The following ZFYVE28 variants were observed in gnomAD, a reference collection of about 807,000 sequenced individuals.
ZFYVE28 encodes the protein lateral signaling target protein 2 homolog.
A neutral mutation model predicts 82.1 loss-of-function variants in ZFYVE28; 40 were observed. The ratio of observed to expected loss-of-function variants is 0.49; its 90% CI spans 0.38 to 0.63. ZFYVE28 has a LOEUF of 0.63. ZFYVE28 is among the 30% of genes least tolerant of loss of function. ZFYVE28 has a pLI of 0.00. For missense variants in ZFYVE28, 1,321 were observed against 1,242.1 expected, an observed-to-expected ratio of 1.06 and a Z score of -0.96; for synonymous variants, 612 against 546.1, an observed-to-expected ratio of 1.12 and a Z score of -1.68.
At chr4:2,328,488 T>C (rs1578110465) in intron 6 of ZFYVE28, 1 of 152,264 alleles carries the variant, frequency 6.6e-6, no homozygotes, top group East Asian at 1.9e-4. Flanking sequence ...GTGAATACAG[T>C]TAATAATAGA....
Position 2,320,351 on chromosome 4 carries a change from C to T in ZFYVE28, c.702-80G>A, listed in dbSNP as rs564185650. The T allele has an allele frequency of 3.4e-5, 44 of 1,281,946 alleles. No homozygotes were observed. The highest frequency in any genetic ancestry group is 8.0e-5 in the South Asian group (6 of 74,978). The allele number at this position is 1,281,946 out of a possible 1,614,324, so 79.4% of individuals were successfully genotyped here. A position where few individuals can be genotyped will look rare whatever the true frequency, so the allele number is the denominator to read the frequency against. On this transcript the variant is annotated intron_variant, in intron 6 of 12. Transcript: ENST00000290974. This position sits in a 1 kb window ranked among gnomAD's most constrained non-coding sequence, Gnocchi z 5.1. ...GCGGACGGCCCAACTTAACCACCTG[C>T]GAAAACCACGCCCGCTGGGACTCTG...
At chr4:2,381,687 G>A (rs766742961) in intron 1 of ZFYVE28, among the ~76,000 whole-genome samples, 6 of 152,226 alleles carry the variant, frequency 3.9e-5, no homozygotes, top group East Asian at 3.8e-4. Context: ...GATTATAGGC[G>A]TGAGCCACTG....
At position 2,270,342 on chromosome 4, in the gene ZFYVE28, C is replaced by T. The variant is rs906838862; in HGVS notation, c.*383G>A. On this transcript the variant is annotated 3_prime_UTR_variant, in exon 13 of 13. Coordinates refer to ENST00000290974, the MANE Select transcript of ZFYVE28 (RefSeq NM_020972.3). ...CCCTTGCTCCGGCTTCCAGATTCACCGCAACAGCAGAGGCGCAGAGTGGCC... is the reference window on the plus strand; with the variant it reads ...CCCTTGCTCCGGCTTCCAGATTCACTGCAACAGCAGAGGCGCAGAGTGGCC... 1.1e-5 allele frequency: 2 copies of T among 183,172 alleles called. No homozygotes were observed. Among genetic ancestry groups the T allele is most frequent in the Non-Finnish European group, 2.0e-5 (2 of 101,938 alleles). 11.3% of individuals were successfully genotyped at this position (183,172 alleles called of 1,614,324 possible).
chr4:2,392,213 A>G (rs1198160822), intron 1 of ZFYVE28, among the ~76,000 whole-genome samples: 1 of 151,894 alleles, frequency 6.6e-6, no homozygotes, highest in African/African-American at 2.4e-5. Flanking sequence ...CTTAATTACA[A>G]AATATGGCCT....
At chr4:2,350,028 C>CACACAG in intron 2 of ZFYVE28, among the ~76,000 whole-genome samples, 1 of 105,900 alleles carries the variant, frequency 9.4e-6, no homozygotes, top group Non-Finnish European at 2.0e-5. Context: ...AATAGGGTGA[C>CACACAG]ACACAGACAC....
Position 2,325,180 on chromosome 4 carries a change from A to C in ZFYVE28, c.702-4909T>G, listed in dbSNP as rs185036393. On this transcript the variant is annotated intron_variant, in intron 6 of 12. Transcript: ENST00000290974. ...TAAAGCAAATGCTGAAGAGAAAAAA[A>C]AAATTAACTTTATTATTGTTATCTT... 3 of 152,328 alleles carry C rather than the reference A, an allele frequency of 2.0e-5. No homozygotes were observed. In the East Asian group the frequency reaches 5.8e-4, roughly 29 times the overall value. 9.4% of individuals were successfully genotyped at this position (152,328 alleles called of 1,614,324 possible).
chr4:2,379,609 C>G (rs1007420892), intron 1 of ZFYVE28, among the ~76,000 whole-genome samples: 1 of 152,144 alleles, frequency 6.6e-6, no homozygotes, highest in African/African-American at 2.4e-5. Flanking sequence ...AGAGATGGCA[C>G]GCGCACCTCT....
chr4:2,404,702 A>G (rs73074330), intron 1 of ZFYVE28, among the ~76,000 whole-genome samples: 6,745 of 152,236 alleles, frequency 0.044, 526 homozygotes, highest in African/African-American at 0.15. Context: ...GTGACTACAT[A>G]ATAGAAACAG....
chr4:2,319,056 T>A (rs2108836422), intron 7 of ZFYVE28: 1 of 152,796 alleles, frequency 6.5e-6, no homozygotes, highest in Admixed American at 6.5e-5. Flanking sequence ...GGTGCCCCCT[T>A]CCAGCCCCAC....
rs1229669614 is a variant in ZFYVE28, at chr4:2,327,437, G to A, written c.702-7166C>T. Among the ~76,000 whole-genome samples the A allele has an allele frequency of 2.0e-5, 3 of 151,796 alleles. No homozygotes were observed. In the East Asian group the frequency reaches 5.8e-4, roughly 29 times the overall value. ...ACTATATTTAATAGAAGTGGGAAGA[G>A]TAGGCATCCTTGCCTTGTTCCATAT... On this transcript the variant is annotated intron_variant, in intron 6 of 12. Coordinates refer to ENST00000290974, the MANE Select transcript of ZFYVE28 (RefSeq NM_020972.3).
At chr4:2,393,765 C>T (rs969431837) in intron 1 of ZFYVE28, among the ~76,000 whole-genome samples, 1 of 152,260 alleles carries the variant, frequency 6.6e-6, no homozygotes, top group South Asian at 2.1e-4. Context: ...CTCGGCCACA[C>T]CTGCGGATTG....
In ZFYVE28 at chr4:2,384,969, A is replaced by G. The variant is rs571163850; in HGVS notation, c.40-30896T>C. On this transcript the variant is annotated intron_variant, in intron 1 of 12. Transcript: ENST00000290974. ...GTCCTGATTTTAAGGATTATCATAA[A>G]CACACCAATCCTGTACACCCTCAAG... Among the ~76,000 whole-genome samples the G allele has an allele frequency of 2.6e-5, 4 of 151,966 alleles. 1 individual carries two copies. In the South Asian group the frequency reaches 8.3e-4, roughly 32 times the overall value.
Position 2,277,887 on chromosome 4 carries a change from G to A in ZFYVE28, c.2052-3671C>T, listed in dbSNP as rs566843953. Among the ~76,000 whole-genome samples, 4 of 151,628 alleles carry A rather than the reference G, an allele frequency of 2.6e-5. No individual in the cohort carries two copies. In the South Asian group the frequency reaches 6.3e-4, roughly 24 times the overall value. On this transcript the variant is annotated intron_variant, in intron 8 of 12. Transcript: ENST00000290974. ...CTCGAGGGACCCAGAATAGCCAAAA[G>A]AAAAAAAACAAGTTGGAGGACTCAC...
chr4:2,354,185 T>G (rs1724902319), intron 1 of ZFYVE28, 112 bp from the exon 2 acceptor site: 12 of 1,193,924 alleles, frequency 1.0e-5, no homozygotes, highest in Non-Finnish European at 1.2e-5. Context: ...CCTTCCACCC[T>G]GAGCAGCAGC....
chr4:2,350,643 C>T (rs923307810), intron 2 of ZFYVE28, among the ~76,000 whole-genome samples: 11 of 152,124 alleles, frequency 7.2e-5, no homozygotes, highest in African/African-American at 1.7e-4. Context: ...GGAAGATCAA[C>T]GCATGTTAGA....
intron 1 of ZFYVE28, among the ~76,000 whole-genome samples, chr4:2,399,105 C>CGTGGAGG (rs1560338985): frequency 1.4e-3 from 43 of 30,066 alleles, no homozygotes; most frequent in South Asian, 2.4e-3. Flanking sequence ...AGGGCACAAG[C>CGTGGAGG]TGGGGCAAGA....
chr4:2,412,855 A>G (rs1732661420), intron 1 of ZFYVE28, among the ~76,000 whole-genome samples: 1 of 152,204 alleles, frequency 6.6e-6, no homozygotes, highest in Non-Finnish European at 1.5e-5. Context: ...AGGTCGAACA[A>G]AATGACCTAA....
At chr4:2,327,297 TATATATATATATCG>T (rs1230663572) in intron 6 of ZFYVE28, among the ~76,000 whole-genome samples, 74 of 54,074 alleles carry the variant, frequency 1.4e-3, no homozygotes, top group African/African-American at 4.2e-3. Context: ...TATATATATA[TATATATATATATCG>T]AATAAAGTTG....
chr4:2,341,710 T>A lies in ZFYVE28; in HGVS notation c.181-95A>T. On this transcript the variant is annotated intron_variant, in intron 2 of 12. Coordinates refer to ENST00000290974, the MANE Select transcript of ZFYVE28 (RefSeq NM_020972.3). This position sits in a 1 kb window ranked among gnomAD's most constrained non-coding sequence, Gnocchi z 4.5. Reference sequence around the variant, plus strand: ...AAACACGCACGGTGCATGTGACTGTTTTTTAGGATTATTAAAGTGATAGAG... The same window carrying A: ...AAACACGCACGGTGCATGTGACTGTATTTTAGGATTATTAAAGTGATAGAG... The A allele has an allele frequency of 1.3e-6, 2 of 1,511,380 alleles. No homozygotes were observed. The highest frequency in any genetic ancestry group is 1.8e-6 in the Non-Finnish European group (2 of 1,112,414). The allele number at this position is 1,511,380 out of a possible 1,614,324, so 93.6% of individuals were successfully genotyped here.
Sources: gnomAD v4.1 joint callset for allele counts (sites outside exome capture counted in the v4.1 genomes callset) on GRCh38, gnomAD v4.1.1 for gene constraint, Gnocchi (gnomAD v3.1) non-coding constraint, MANE v1.5 for transcripts, NCBI Gene and HGNC (gene_info 2026-07-23, HGNC 2026-07-21) for gene names.